Variants in ZNF529 observed in about 807,000 individuals in gnomAD.
ZNF529 encodes the protein zinc finger protein 529.
Under a neutral mutation model 10.1 loss-of-function variants are expected in ZNF529, and 11 were observed. The observed-to-expected ratio is 1.09, with a 90% confidence interval of 0.69 to 1.81. The LOEUF (loss-of-function observed/expected upper bound fraction) is 1.81, where lower values mean the gene tolerates loss of function less well. Among genes scored for constraint, ZNF529 ranks in the 40% most tolerant of loss-of-function variants. The probability of loss-of-function intolerance (pLI) is 0.00; values close to 1 mark genes in which losing one functional copy is unlikely to be tolerated. For missense variants in ZNF529, 624 were observed against 666.8 expected (o/e 0.94, Z 0.71); for synonymous variants, 204 against 215.7 (o/e 0.95, Z 0.47).
chr19:36,569,859 C>T (rs376980554), intron 2 of ZNF529, among the ~76,000 whole-genome samples: 1 of 152,276 alleles, frequency 6.6e-6, no homozygotes, highest in South Asian at 2.1e-4. Flanking sequence ...TTGACCAGCT[C>T]CTGGGAGATA....
chr19:36,556,420 T>C (rs2035477290), intron 2 of ZNF529, among the ~76,000 whole-genome samples: 1 of 152,208 alleles, frequency 6.6e-6, no homozygotes, highest in South Asian at 2.1e-4. Flanking sequence ...GGCATGGGGC[T>C]TCTTCACCAC....
upstream of ZNF529, chr19:36,573,335 C>A: frequency 2.3e-6 from 1 of 428,038 alleles, no homozygotes; most frequent in Admixed American, 2.7e-5. Flanking sequence ...ATCCGCGGCC[C>A]TGAGGCCTGT....
chr19:36,578,255 G>A (rs1205216603), upstream of ZNF529, among the ~76,000 whole-genome samples: 2 of 128,240 alleles, frequency 1.6e-5, no homozygotes, highest in Non-Finnish European at 3.2e-5. Context: ...TAGTAGAGAC[G>A]AGGTTTCAAC....
At chr19:36,555,922 G>T in intron 3 of ZNF529, among the ~76,000 whole-genome samples, 182 bp downstream of exon 3, 1 of 152,172 alleles carries the variant, frequency 6.6e-6, no homozygotes, top group East Asian at 1.9e-4. Context: ...TGAACACATA[G>T]GAGTGTTGAA....
Position 36,573,230 on chromosome 19 carries a change from G to A in ZNF529, c.-137C>T, listed in dbSNP as rs1194267403. ...CCCGGCAGCGCGGGGCCACCTCACC[G>A]CGAGCTCCTCCCGCAGCCCGGCCCG... On this transcript the variant is annotated 5_prime_UTR_variant, in exon 1 of 5. Coordinates refer to ENST00000591340, the MANE Select transcript of ZNF529 (RefSeq NM_020951.5). 7 of 316,972 alleles carry A rather than the reference G, an allele frequency of 2.2e-5. No homozygotes were observed. Among genetic ancestry groups the A allele is most frequent in the African/African-American group, 4.3e-5 (2 of 46,028 alleles). The allele number at this position is 316,972 out of a possible 1,614,324, so 19.6% of individuals were successfully genotyped here. A position where few individuals can be genotyped will look rare whatever the true frequency, so the allele number is the denominator to read the frequency against.
chr19:36,547,125 TAAG>T lies in ZNF529; in HGVS notation c.1430_1432del (p.Pro477_Tyr478delinsHis). Reference sequence around the variant, plus strand: ...GGCCTTCCCACATACCTTACATTCATAAGGTTTCTCACCACTATGAATTCTTTG... The same window carrying T: ...GGCCTTCCCACATACCTTACATTCATGTTTCTCACCACTATGAATTCTTTG... On this transcript the variant is annotated inframe_deletion, in exon 5 of 5. Coordinates refer to ENST00000591340, the MANE Select transcript of ZNF529 (RefSeq NM_020951.5). The T allele has an allele frequency of 6.2e-7, 1 of 1,613,946 alleles. No individual in the cohort carries two copies. The highest frequency in any genetic ancestry group is 1.1e-5 in the South Asian group (1 of 91,072).
intron 1 of ZNF529, among the ~76,000 whole-genome samples, chr19:36,589,912 T>C (rs1230616666): frequency 1.3e-5 from 2 of 152,190 alleles, no homozygotes; most frequent in African/African-American, 4.8e-5. Flanking sequence ...ACACAATGTA[T>C]TCTTTGGTCA....
rs542636558 is a variant in ZNF529, at chr19:36,553,501, TGA to T, written c.235+1167_235+1168del. Among the ~76,000 whole-genome samples, 42 of 152,232 alleles carry T rather than the reference TGA, an allele frequency of 2.8e-4. No individual in the cohort carries two copies. In the South Asian group the frequency reaches 7.0e-3, roughly 26 times the overall value. ...AGTAGAAGGCAAGAACTATGGAAGC[TGA>T]GAGGAAAGTTAGTAACTTTCTGAGC... On this transcript the variant is annotated intron_variant, in intron 4 of 4. Transcript: ENST00000591340.
intron 2 of ZNF529, among the ~76,000 whole-genome samples, chr19:36,563,871 A>T (rs2035802627): frequency 6.6e-6 from 1 of 152,216 alleles, no homozygotes; most frequent in African/African-American, 2.4e-5. Flanking sequence ...CCTGACTTCA[A>T]GCTATACTAC....
At chr19:36,554,859 A>G in intron 3 of ZNF529, 63 bp from the exon 4 acceptor site, 1 of 1,420,596 alleles carries the variant, frequency 7.0e-7, no homozygotes, top group South Asian at 1.6e-5. Flanking sequence ...GAAAAAGACA[A>G]GAGGAATTGC....
chr19:36,577,300 T>A (rs1409906948), upstream of ZNF529: 1 of 368,426 alleles, frequency 2.7e-6, no homozygotes, highest in Non-Finnish European at 5.5e-6. Flanking sequence ...CACATTATTA[T>A]TAACAGTATA....
At chr19:36,586,048 G>A (rs2036572540) in intron 2 of ZNF529, among the ~76,000 whole-genome samples, 1 of 152,186 alleles carries the variant, frequency 6.6e-6, no homozygotes, top group Non-Finnish European at 1.5e-5. Context: ...GGAGTGTCCA[G>A]TGTGGAACAC....
chr19:36,569,310 C>T (rs1326349842), intron 2 of ZNF529, among the ~76,000 whole-genome samples: 1 of 152,090 alleles, frequency 6.6e-6, no homozygotes, highest in African/African-American at 2.4e-5. Context: ...AAATAAATTA[C>T]ACTTGAAGAA....
chr19:36,604,442 G>GTTT (rs1447721946), intron 1 of ZNF529, among the ~76,000 whole-genome samples: 1 of 152,134 alleles, frequency 6.6e-6, no homozygotes, highest in Non-Finnish European at 1.5e-5. Flanking sequence ...TGGTTATAAG[G>GTTT]TGAAATGACT....
At chr19:36,554,931 T>A in intron 3 of ZNF529, 135 bp from the exon 4 acceptor site, 1 of 687,740 alleles carries the variant, frequency 1.5e-6, no homozygotes, top group Non-Finnish European at 2.1e-6. Context: ...ACATGGGAAG[T>A]AAGGAAATTA....
At chr19:36,551,488 C>A (rs989454111) in intron 4 of ZNF529, among the ~76,000 whole-genome samples, 3 of 152,052 alleles carry the variant, frequency 2.0e-5, no homozygotes, top group African/African-American at 7.3e-5. Flanking sequence ...CCAATAAAAT[C>A]AATAAACATA....
At chr19:36,598,445 G>A (rs919064164) in intron 1 of ZNF529, among the ~76,000 whole-genome samples, 5 of 151,954 alleles carry the variant, frequency 3.3e-5, no homozygotes, top group Non-Finnish European at 5.9e-5. Context: ...CCAGGAGTTT[G>A]AGGCTACAGT....
chr19:36,586,621 A>G (rs1250239978), intron 2 of ZNF529, among the ~76,000 whole-genome samples: 2 of 152,146 alleles, frequency 1.3e-5, no homozygotes, highest in Non-Finnish European at 2.9e-5. Flanking sequence ...AAAAAAAGAA[A>G]AAAAAAAAGC....
intron 4 of ZNF529, among the ~76,000 whole-genome samples, chr19:36,550,097 C>T (rs1179075902): frequency 6.6e-6 from 1 of 152,192 alleles, no homozygotes; most frequent in Non-Finnish European, 1.5e-5. Flanking sequence ...AACACATAAA[C>T]ACTGCATGAT....
Sources: gnomAD v4.1 joint callset for allele counts (sites outside exome capture counted in the v4.1 genomes callset) on GRCh38, gnomAD v4.1.1 for gene constraint, MANE v1.5 for transcripts, NCBI Gene and HGNC (gene_info 2026-07-23, HGNC 2026-07-21) for gene names.